The following NMT2 variants were observed in gnomAD, a reference collection of about 807,000 sequenced individuals.
NMT2 encodes glycylpeptide N-tetradecanoyltransferase 2.
NMT2 carries 35 observed loss-of-function variants against 65.4 expected under a neutral mutation model. That is an observed-to-expected ratio of 0.54 (90% CI 0.41 to 0.71). The LOEUF (loss-of-function observed/expected upper bound fraction) is 0.71, where lower values mean the gene tolerates loss of function less well. Among genes scored for constraint, NMT2 ranks in the 30% least tolerant of loss-of-function variants. The pLI is 0.00. For missense variants in NMT2, 489 were observed against 611.3 expected (o/e 0.80, Z 2.11); for synonymous variants, 226 against 231.8 (o/e 0.98, Z 0.23).
chr10:15,161,286 G>A (rs1023246990), intron 1 of NMT2, among the ~76,000 whole-genome samples: 4 of 151,882 alleles, frequency 2.6e-5, no homozygotes, highest in African/African-American at 4.8e-5. Flanking sequence ...CATCATCCAC[G>A]CACTCTAAGA....
chr10:15,117,198 C>G (rs999351980), intron 9 of NMT2, among the ~76,000 whole-genome samples: 1 of 152,018 alleles, frequency 6.6e-6, no homozygotes, highest in African/African-American at 2.4e-5. Flanking sequence ...AATTATACAC[C>G]CTGACCAAGT....
intron 1 of NMT2, among the ~76,000 whole-genome samples, chr10:15,147,477 A>C (rs982517208): frequency 2.0e-5 from 3 of 152,204 alleles, no homozygotes; most frequent in Admixed American, 1.3e-4. Flanking sequence ...AATGCAACAG[A>C]CATATCAGTA....
intron 3 of NMT2, among the ~76,000 whole-genome samples, chr10:15,134,662 C>G (rs565892839): frequency 6.6e-6 from 1 of 152,228 alleles, no homozygotes; most frequent in East Asian, 1.9e-4. Context: ...CTGGTCCTTC[C>G]ATCACAGAAC....
chr10:15,126,380 G>C (rs939429837), intron 8 of NMT2, among the ~76,000 whole-genome samples: 1 of 149,544 alleles, frequency 6.7e-6, no homozygotes, highest in Non-Finnish European at 1.5e-5. Flanking sequence ...AATGAGCTGA[G>C]ATTGTGCCAT....
intron 1 of NMT2, among the ~76,000 whole-genome samples, chr10:15,144,833 C>G (rs866391088): frequency 4.6e-5 from 7 of 152,138 alleles, no homozygotes; most frequent in African/African-American, 1.4e-4. Flanking sequence ...CTTTGAAAAA[C>G]AGCTGACAGT....
chr10:15,133,677 C>CCTGGGCTCA (rs1846369764), intron 3 of NMT2, among the ~76,000 whole-genome samples: 1 of 152,170 alleles, frequency 6.6e-6, no homozygotes, highest in Non-Finnish European at 1.5e-5. Flanking sequence ...GCCTTCAACT[C>CCTGGGCTCA]CTGGGCTCAA....
intron 1 of NMT2, among the ~76,000 whole-genome samples, chr10:15,147,828 G>T (rs189526276): frequency 6.6e-6 from 1 of 152,122 alleles, no homozygotes; most frequent in Admixed American, 6.5e-5. Context: ...CATAATGTCC[G>T]TGAAGGAAAC....
chr10:15,112,304 T>C (rs1424171328), intron 10 of NMT2, among the ~76,000 whole-genome samples: 1 of 121,082 alleles, frequency 8.3e-6, no homozygotes, highest in African/African-American at 3.0e-5. Flanking sequence ...CTCAGCTCCA[T>C]TGCAACCTCT....
At chr10:15,118,125 C>T (rs1420190088) in intron 9 of NMT2, among the ~76,000 whole-genome samples, 1 of 152,170 alleles carries the variant, frequency 6.6e-6, no homozygotes, top group Non-Finnish European at 1.5e-5. Flanking sequence ...CTTCCTATAT[C>T]GCTATAGCAA....
chr10:15,114,753 A>G (rs186178988), intron 9 of NMT2, among the ~76,000 whole-genome samples: 195 of 152,338 alleles, frequency 1.3e-3, no homozygotes, highest in African/African-American at 4.4e-3. Flanking sequence ...CTGTAATCTC[A>G]GCACTTGGGG....
At chr10:15,129,360 G>T (rs1846197447) in intron 7 of NMT2, among the ~76,000 whole-genome samples, 1 of 152,146 alleles carries the variant, frequency 6.6e-6, no homozygotes, top group Non-Finnish European at 1.5e-5. Context: ...GATAAACTCT[G>T]ATGTTTTAGA....
At chr10:15,167,355 A>C (rs763771851) in intron 1 of NMT2, among the ~76,000 whole-genome samples, 2 of 152,226 alleles carry the variant, frequency 1.3e-5, no homozygotes, top group Non-Finnish European at 2.9e-5. Context: ...CCCTTTCTAT[A>C]ATAAATCTTA....
chr10:15,141,630 T>G, intron 1 of NMT2, 73 bp from the exon 2 acceptor site: 1 of 1,505,530 alleles, frequency 6.6e-7, no homozygotes. Context: ...TTGCATACAA[T>G]TAATCATTTC....
intron 9 of NMT2, among the ~76,000 whole-genome samples, chr10:15,116,392 T>C (rs561507401): frequency 6.6e-6 from 1 of 152,154 alleles, no homozygotes; most frequent in South Asian, 2.1e-4. Flanking sequence ...ACAACGAAGA[T>C]ACAACATACC....
chr10:15,121,371 CA>C (rs781122439), intron 8 of NMT2, among the ~76,000 whole-genome samples: 29 of 152,056 alleles, frequency 1.9e-4, no homozygotes, highest in Non-Finnish European at 3.7e-4. Context: ...AGGGGGAAAA[CA>C]GGTGTTTTTT....
chr10:15,117,474 C>T (rs938342723), intron 9 of NMT2, among the ~76,000 whole-genome samples: 2 of 152,170 alleles, frequency 1.3e-5, no homozygotes, highest in Non-Finnish European at 2.9e-5. Context: ...TTTTCTCCCA[C>T]CATCAAGAAC....
At chr10:15,155,536 T>C (rs1451608795) in intron 1 of NMT2, among the ~76,000 whole-genome samples, 1 of 6,048 alleles carries the variant, frequency 1.7e-4, no homozygotes, top group Non-Finnish European at 2.9e-4. Flanking sequence ...GCCGGGCTAG[T>C]TTTTTTTTTT....
intron 1 of NMT2, among the ~76,000 whole-genome samples, chr10:15,143,194 C>G (rs779238630): frequency 1.3e-5 from 2 of 152,148 alleles, no homozygotes; most frequent in African/African-American, 4.8e-5. Context: ...AATGGTAAAG[C>G]CTACTGCAAC....
At chr10:15,112,216 ATTTTTTTTTTTTTTTTTT>A (rs869310724) in intron 10 of NMT2, among the ~76,000 whole-genome samples, 66 of 12,200 alleles carry the variant, frequency 5.4e-3, no homozygotes, top group African/African-American at 6.5e-3. Flanking sequence ...ATATATATAT[ATTTTTTTTTTTTTTTTTT>A]TTTTTTTTTT....
Sources: allele counts gnomAD v4.1 joint callset (sites outside exome capture counted in the v4.1 genomes callset), GRCh38; gene constraint gnomAD v4.1.1; transcripts MANE v1.5; gene names NCBI Gene and HGNC (gene_info 2026-07-23, HGNC 2026-07-21).